ANKFN1: variants seen among roughly 807,000 people sequenced by gnomAD.
ANKFN1 encodes the protein ankyrin repeat and fibronectin type III domain containing 1.
In ANKFN1, 74 loss-of-function variants were observed where a neutral mutation model predicts 108.7. The ratio of observed to expected loss-of-function variants is 0.68; its 90% CI spans 0.56 to 0.83. The LOEUF (loss-of-function observed/expected upper bound fraction) is 0.83. ANKFN1 is among the 40% of genes least tolerant of loss of function. The probability of loss-of-function intolerance (pLI) is 0.00; values close to 1 mark genes in which losing one functional copy is unlikely to be tolerated. For synonymous variants in ANKFN1, 547 were observed against 516.2 expected (o/e 1.06, Z -0.81); for missense variants, 1,505 against 1,382.3 (o/e 1.09, Z -1.41).
intron 1 of ANKFN1, among the ~76,000 whole-genome samples, chr17:56,199,106 GC>G (rs2143742755): frequency 6.6e-6 from 1 of 151,698 alleles, no homozygotes; most frequent in South Asian, 2.1e-4. Context: ...ATATGGCATG[GC>G]CCCCATCTTT....
intron 4 of ANKFN1, among the ~76,000 whole-genome samples, chr17:56,102,512 C>A (rs1905666403): frequency 6.6e-6 from 1 of 152,110 alleles, no homozygotes; most frequent in African/African-American, 2.4e-5. Flanking sequence ...ATCTGGAGTT[C>A]ATGAATAGGG....
intron 3 of ANKFN1, among the ~76,000 whole-genome samples, chr17:56,310,340 G>A (rs1226798165): frequency 7.9e-5 from 12 of 152,166 alleles, no homozygotes; most frequent in Admixed American, 5.9e-4. Context: ...AAATTGGGCC[G>A]GGTGCAGTGG....
chr17:56,091,401 T>A lies in ANKFN1; in HGVS notation c.288+45076T>A, dbSNP rs184216072. Among the ~76,000 whole-genome samples the A allele has an allele frequency of 6.4e-3, 912 of 143,098 alleles. 37 individuals are homozygous for A. The highest frequency in any genetic ancestry group is 0.023 in the African/African-American group (878 of 38,458). 93.9% of individuals were successfully genotyped at this position (143,098 alleles called of 152,430 possible). On this transcript the variant is annotated intron_variant, in intron 4 of 12. Coordinates refer to the ANKFN1 transcript ENST00000635860. Reference sequence around the variant, plus strand: ...TAAAATTTATTTTTAAAATACTTCATTTTTCTTCCAAACAAATCACACACA... The same window carrying A: ...TAAAATTTATTTTTAAAATACTTCAATTTTCTTCCAAACAAATCACACACA...
chr17:56,297,237 C>T (rs558044009), intron 3 of ANKFN1, among the ~76,000 whole-genome samples: 29 of 152,226 alleles, frequency 1.9e-4, no homozygotes, highest in Middle Eastern at 6.8e-3. Context: ...GGCGTCTGGG[C>T]AGAGAGGAGC....
intron 3 of ANKFN1, among the ~76,000 whole-genome samples, chr17:56,260,799 C>T (rs763010249): frequency 3.3e-5 from 5 of 152,180 alleles, no homozygotes; most frequent in African/African-American, 4.8e-5. Context: ...TTAAACAACA[C>T]TAGGGAACAG....
chr17:56,085,201 A>ATATATATATC (rs1172878180), intron 4 of ANKFN1, among the ~76,000 whole-genome samples: 1 of 147,004 alleles, frequency 6.8e-6, no homozygotes, highest in East Asian at 1.9e-4. Flanking sequence ...ATATATATAT[A>ATATATATATC]TATATATCTC....
intron 1 of ANKFN1, among the ~76,000 whole-genome samples, chr17:56,207,352 C>A (rs1302389296): frequency 6.6e-6 from 1 of 152,200 alleles, no homozygotes; most frequent in Non-Finnish European, 1.5e-5. Context: ...TGTTTGAGAA[C>A]CACTGCTGTA....
intron 8 of ANKFN1, among the ~76,000 whole-genome samples, chr17:56,420,179 T>C (rs2048357924): frequency 1.3e-5 from 2 of 152,174 alleles, no homozygotes; most frequent in Admixed American, 1.3e-4. Context: ...GATGAATAGA[T>C]GGATGGGAAA....
intron 6 of ANKFN1, among the ~76,000 whole-genome samples, chr17:56,362,572 T>C (rs2046550646): frequency 6.6e-6 from 1 of 152,156 alleles, no homozygotes. Context: ...ACTGGACCCT[T>C]ATCTCATACC....
At chr17:56,395,636 G>A (rs1216562441) in intron 8 of ANKFN1, among the ~76,000 whole-genome samples, 1 of 152,140 alleles carries the variant, frequency 6.6e-6, no homozygotes, top group Non-Finnish European at 1.5e-5. Flanking sequence ...ATCAATTGAG[G>A]TCAAGAGTTC....
intron 2 of ANKFN1, among the ~76,000 whole-genome samples, chr17:56,223,984 A>G (rs1175140763): frequency 6.6e-6 from 1 of 152,220 alleles, no homozygotes; most frequent in African/African-American, 2.4e-5. Flanking sequence ...TAGACAGATT[A>G]AGTAACTGGT....
intron 4 of ANKFN1, among the ~76,000 whole-genome samples, chr17:56,347,464 C>G (rs2046135038): frequency 6.6e-6 from 1 of 151,980 alleles, no homozygotes; most frequent in Non-Finnish European, 1.5e-5. Flanking sequence ...CAAAGTCACA[C>G]AGATTATAGG....
intron 20 of ANKFN1, among the ~76,000 whole-genome samples, chr17:56,506,721 A>G (rs1567714243): frequency 6.6e-6 from 1 of 151,800 alleles, no homozygotes; most frequent in Non-Finnish European, 1.5e-5. Context: ...AACTCTGTGT[A>G]CCACAAAAAG....
chr17:56,233,315 C>T (rs1353576561), intron 3 of ANKFN1, among the ~76,000 whole-genome samples: 1 of 151,792 alleles, frequency 6.6e-6, no homozygotes, highest in Non-Finnish European at 1.5e-5. Flanking sequence ...TGAATATAAC[C>T]GACTGCTTCA....
intron 11 of ANKFN1, among the ~76,000 whole-genome samples, chr17:56,451,909 C>T (rs558111541): frequency 6.6e-6 from 1 of 152,308 alleles, no homozygotes; most frequent in South Asian, 2.1e-4. Context: ...AAAATCACTT[C>T]TCCTACTAAA....
Position 56,513,530 on chromosome 17 carries a change from C to A in ANKFN1, c.*2261C>A, listed in dbSNP as rs115087680. Among the ~76,000 whole-genome samples the A allele has an allele frequency of 7.7e-3, 1,176 of 152,180 alleles. 15 individuals are homozygous for A. Among genetic ancestry groups the A allele is most frequent in the African/African-American group, 0.027 (1,134 of 41,498 alleles). On this transcript the variant is annotated 3_prime_UTR_variant, in exon 21 of 21. Transcript: ENST00000682825. The stretch of plus-strand genomic sequence containing the variant: ...TCTAGGATTGTGAAAAACTAAGAAT[C>A]CAAGGTATTTCCTGATCCTGATCAT...
chr17:56,153,450 G>T, upstream of ANKFN1: 1 of 1,601,160 alleles, frequency 6.2e-7, no homozygotes, highest in Non-Finnish European at 8.6e-7. Flanking sequence ...CATTCGCAAA[G>T]GGGTTTCCCT....
At chr17:56,306,217 T>A (rs540122457) in intron 3 of ANKFN1, among the ~76,000 whole-genome samples, 5 of 152,250 alleles carry the variant, frequency 3.3e-5, no homozygotes, top group African/African-American at 1.2e-4. Context: ...TTAAGAAGAA[T>A]TGTATTAAAT....
At chr17:56,466,109 A>C (rs116432123) in intron 14 of ANKFN1, among the ~76,000 whole-genome samples, 3,250 of 152,262 alleles carry the variant, frequency 0.021, 115 homozygotes, top group African/African-American at 0.074. Context: ...AAAAAAACAT[A>C]ATTTTTATGC....
Sources: allele counts gnomAD v4.1 joint callset (sites outside exome capture counted in the v4.1 genomes callset), GRCh38; gene constraint gnomAD v4.1.1; transcripts MANE v1.5; gene names NCBI Gene and HGNC (gene_info 2026-07-23, HGNC 2026-07-21).